The following MBNL1 variants were observed in gnomAD, a reference collection of about 807,000 sequenced individuals.
MBNL1 encodes the protein muscleblind-like protein 1.
MBNL1 carries 8 observed loss-of-function variants against 42.2 expected under a neutral mutation model. That is an observed-to-expected ratio of 0.19 (90% confidence interval 0.11 to 0.34). The LOEUF is 0.34. MBNL1 is among the 10% of genes least tolerant of loss of function. The pLI is 1.00. For synonymous variants in MBNL1, 169 were observed against 173.9 expected (o/e 0.97, Z 0.22); for missense variants, 309 against 495.3 (o/e 0.62, Z 3.57).
chr3:152,305,789 T>A (rs190385798), intron 2 of MBNL1, among the ~76,000 whole-genome samples: 1 of 152,262 alleles, frequency 6.6e-6, no homozygotes, highest in Non-Finnish European at 1.5e-5. Context: ...TGAGGACTTA[T>A]GCTAATTGCT....
intron 8 of MBNL1, chr3:152,458,445 T>C: frequency 4.2e-6 from 2 of 471,984 alleles, no homozygotes; most frequent in South Asian, 2.2e-5. Flanking sequence ...TATCATTTTA[T>C]AGAAGAGACT....
At chr3:152,449,424 TC>T (rs1717237078) in intron 6 of MBNL1, 1 of 152,198 alleles carries the variant, frequency 6.6e-6, no homozygotes, top group African/African-American at 2.4e-5. Context: ...AAAAAACAAA[TC>T]TGTGCTATTT....
chr3:152,345,324 T>C (rs1388832441), intron 2 of MBNL1, among the ~76,000 whole-genome samples: 7 of 152,124 alleles, frequency 4.6e-5, no homozygotes, highest in Non-Finnish European at 1.0e-4. Flanking sequence ...TGCTTTATTT[T>C]ACTCCTTTAA....
chr3:152,417,621 T>TTGGAAGCAAA (rs1396917436), intron 3 of MBNL1, among the ~76,000 whole-genome samples: 1 of 152,032 alleles, frequency 6.6e-6, no homozygotes, highest in African/African-American at 2.4e-5. Flanking sequence ...CTTGGAAGCA[T>TTGGAAGCAAA]CTAGTATTAT....
chr3:152,315,864 ACACT>A (rs767695212), intron 2 of MBNL1, among the ~76,000 whole-genome samples: 219 of 118,750 alleles, frequency 1.8e-3, no homozygotes, highest in African/African-American at 6.4e-3. Context: ...ACACACACAC[ACACT>A]CTCTCTCTCT....
intron 2 of MBNL1, among the ~76,000 whole-genome samples, chr3:152,358,898 C>T (rs1056395947): frequency 2.0e-4 from 30 of 152,076 alleles, no homozygotes; most frequent in African/African-American, 7.2e-4. Flanking sequence ...GTATGAGCCA[C>T]CGTGCCCAGC....
At chr3:152,372,399 C>T (rs1052498604) in intron 2 of MBNL1, among the ~76,000 whole-genome samples, 2 of 152,190 alleles carry the variant, frequency 1.3e-5, no homozygotes, top group Non-Finnish European at 2.9e-5. Flanking sequence ...AATTTTCAGC[C>T]TTCTTGTGCT....
chr3:152,459,396 A>T, intron 9 of MBNL1, 51 bp downstream of exon 9: 1 of 1,095,232 alleles, frequency 9.1e-7, no homozygotes, highest in Non-Finnish European at 1.3e-6. Flanking sequence ...GTTTTTTTTA[A>T]GATAGCAATT....
intron 2 of MBNL1, among the ~76,000 whole-genome samples, chr3:152,366,925 CAA>C (rs537602824): frequency 1.2e-3 from 185 of 151,954 alleles, no homozygotes; most frequent in African/African-American, 4.2e-3. Flanking sequence ...ATTTTATGTA[CAA>C]AAGAGAAAAT....
chr3:152,437,981 C>T (rs2099100987), intron 4 of MBNL1, among the ~76,000 whole-genome samples: 2 of 152,020 alleles, frequency 1.3e-5, no homozygotes, highest in Non-Finnish European at 2.9e-5. Flanking sequence ...ACCATGTTTG[C>T]CAGGCTGGTC....
chr3:152,252,419 T>C (rs1479906427), intron 2 of MBNL1, among the ~76,000 whole-genome samples: 1 of 152,064 alleles, frequency 6.6e-6, no homozygotes, highest in Non-Finnish European at 1.5e-5. Flanking sequence ...GATTTAATTT[T>C]ATTTTTTGAG....
chr3:152,326,836 A>G (rs576036616), intron 2 of MBNL1, among the ~76,000 whole-genome samples: 19 of 144,248 alleles, frequency 1.3e-4, no homozygotes, highest in African/African-American at 1.6e-4. Context: ...GAGTTTCACT[A>G]TTGTCTCCCA....
intron 3 of MBNL1, among the ~76,000 whole-genome samples, chr3:152,416,083 A>G (rs1172202665): frequency 6.6e-6 from 1 of 152,178 alleles, no homozygotes; most frequent in Non-Finnish European, 1.5e-5. Flanking sequence ...TTTTTCTGCT[A>G]TGCTAACTGT....
chr3:152,332,139 A>G (rs2085089486), intron 2 of MBNL1, among the ~76,000 whole-genome samples: 1 of 152,192 alleles, frequency 6.6e-6, no homozygotes, highest in Non-Finnish European at 1.5e-5. Context: ...GTATCTATCT[A>G]TGTTTATTTA....
chr3:152,432,658 G>T, intron 3 of MBNL1, 59 bp from the exon 4 acceptor site: 1 of 1,428,944 alleles, frequency 7.0e-7, no homozygotes. Context: ...GTATAATTAA[G>T]AATATCAACT....
chr3:152,292,403 C>G (rs2056471798), intron 1 of MBNL1, among the ~76,000 whole-genome samples: 1 of 152,182 alleles, frequency 6.6e-6, no homozygotes, highest in South Asian at 2.1e-4. Context: ...TGTCACCTAA[C>G]CGACACTCCT....
intron 2 of MBNL1, among the ~76,000 whole-genome samples, chr3:152,247,746 A>G (rs538120600): frequency 2.5e-4 from 38 of 152,022 alleles, no homozygotes; most frequent in African/African-American, 8.9e-4. Flanking sequence ...TTATCTTTAT[A>G]TACATTTTCT....
At chr3:152,373,760 A>G (rs1202205387) in intron 2 of MBNL1, among the ~76,000 whole-genome samples, 3 of 152,220 alleles carry the variant, frequency 2.0e-5, no homozygotes, top group Middle Eastern at 3.2e-3. Context: ...CTGTTAGGCC[A>G]TCTTGCCAGC....
intron 8 of MBNL1, 72 bp downstream of exon 8, chr3:152,456,433 G>A (rs1733899885): frequency 8.8e-6 from 11 of 1,243,072 alleles, no homozygotes; most frequent in South Asian, 7.2e-5. Context: ...CCTTACGCAC[G>A]TGGATTTCCC....
Sources: allele counts gnomAD v4.1 joint callset (sites outside exome capture counted in the v4.1 genomes callset), GRCh38; gene constraint gnomAD v4.1.1; transcripts MANE v1.5; gene names NCBI Gene and HGNC (gene_info 2026-07-23, HGNC 2026-07-21).